The following KLRG1 variants were observed in gnomAD, a reference collection of about 807,000 sequenced individuals.
KLRG1 encodes killer cell lectin-like receptor subfamily G member 1.
Under a neutral mutation model 21.8 loss-of-function variants are expected in KLRG1, and 16 were observed. That is an observed-to-expected ratio of 0.73 (90% CI 0.50 to 1.11). The LOEUF is 1.11. Among genes scored for constraint, KLRG1 ranks in the 50% most tolerant of loss-of-function variants. The probability of loss-of-function intolerance (pLI) is 0.00; values close to 1 mark genes in which losing one functional copy is unlikely to be tolerated. For missense variants in KLRG1, 173 were observed against 218.3 expected (o/e 0.79, Z 1.31); for synonymous variants, 69 against 75.9 (o/e 0.91, Z 0.47).
the KLRG1 span, among the ~76,000 whole-genome samples, chr12:9,046,952 T>C: frequency 6.6e-6 from 1 of 152,230 alleles, no homozygotes; most frequent in Admixed American, 6.5e-5. Flanking sequence ...TTTCCTGGAC[T>C]CAAGTGATCT....
At chr12:9,188,530 G>A in the KLRG1 span, among the ~76,000 whole-genome samples, 3 of 152,078 alleles carry the variant, frequency 2.0e-5, no homozygotes, top group East Asian at 3.8e-4. Context: ...CAGAACAATC[G>A]GGCAAGACAA....
At chr12:8,954,392 C>T (rs1391309115) in intron 1 of KLRG1, among the ~76,000 whole-genome samples, 1 of 149,226 alleles carries the variant, frequency 6.7e-6, no homozygotes, top group Admixed American at 6.8e-5. Context: ...GGTACTTTGC[C>T]AGGAGAGTAG....
intron 3 of KLRG1, among the ~76,000 whole-genome samples, chr12:9,007,169 G>T (rs1335397674): frequency 1.3e-5 from 2 of 152,154 alleles, no homozygotes; most frequent in African/African-American, 4.8e-5. Context: ...GAAAATAGAG[G>T]TTATTCTGAC....
chr12:9,102,800 G>T, the KLRG1 span, among the ~76,000 whole-genome samples: 2 of 152,174 alleles, frequency 1.3e-5, no homozygotes, highest in African/African-American at 4.8e-5. Flanking sequence ...GTGCTGGCAC[G>T]TGGAAAGCAT....
At chr12:9,097,288 A>G in the KLRG1 span, among the ~76,000 whole-genome samples, 19 of 152,216 alleles carry the variant, frequency 1.2e-4, no homozygotes, top group Admixed American at 9.2e-4. Flanking sequence ...ACATTTTTTT[A>G]TAAGTTTCTA....
the KLRG1 span, among the ~76,000 whole-genome samples, chr12:9,048,878 T>G: frequency 6.6e-6 from 1 of 152,152 alleles, no homozygotes; most frequent in Non-Finnish European, 1.5e-5. Context: ...TACAGACTGG[T>G]AAGGAAGAAA....
At chr12:9,204,368 C>T in the KLRG1 span, among the ~76,000 whole-genome samples, 1 of 152,230 alleles carries the variant, frequency 6.6e-6, no homozygotes, top group East Asian at 1.9e-4. Context: ...AAAGGACTTA[C>T]ATTAAAATCT....
chr12:9,059,140 A>C, the KLRG1 span, among the ~76,000 whole-genome samples: 1 of 152,336 alleles, frequency 6.6e-6, no homozygotes, highest in African/African-American at 2.4e-5. Context: ...GTGAGGGAGA[A>C]GTGTCCTCAC....
chr12:9,154,797 G>C, the KLRG1 span: 1 of 1,614,150 alleles, frequency 6.2e-7, no homozygotes, highest in Non-Finnish European at 8.5e-7. Flanking sequence ...ATGCCCCACT[G>C]GTGCCTTGGG....
chr12:8,989,729 A>G lies in KLRG1; in HGVS notation c.82+12A>G, dbSNP rs775352819. ...ACCACAGCAAAAATGTGAGTTAACC[A>G]AGGTAGCATGGAAGACGATGCATAG... On this transcript the variant is annotated intron_variant, in intron 1 of 4. Transcript: ENST00000356986. The G allele has an allele frequency of 6.4e-7, 1 of 1,552,436 alleles. No individual in the cohort carries two copies. The highest frequency in any genetic ancestry group is 8.9e-7 in the Non-Finnish European group (1 of 1,128,012).
At chr12:9,187,077 CAA>C in the KLRG1 span, among the ~76,000 whole-genome samples, 324 of 128,668 alleles carry the variant, frequency 2.5e-3, no homozygotes, top group Middle Eastern at 8.0e-3. Context: ...CAAGAAAGGT[CAA>C]AAAAAAAAAA....
chr12:8,976,560 G>C (rs961705068), intron 1 of KLRG1, among the ~76,000 whole-genome samples: 2 of 152,120 alleles, frequency 1.3e-5, no homozygotes, highest in Non-Finnish European at 2.9e-5. Flanking sequence ...AGTGGGGGTA[G>C]TGAGGTCTAC....
chr12:9,054,666 G>C, the KLRG1 span, among the ~76,000 whole-genome samples: 7 of 152,082 alleles, frequency 4.6e-5, no homozygotes, highest in Admixed American at 4.6e-4. Flanking sequence ...CTGAACACTA[G>C]ATCTTATTCC....
At chr12:9,079,673 C>A in the KLRG1 span, 1 of 1,613,642 alleles carries the variant, frequency 6.2e-7, no homozygotes, top group East Asian at 2.2e-5. Context: ...TGGACTTGAT[C>A]TCTGGAGTAA....
the KLRG1 span, among the ~76,000 whole-genome samples, chr12:9,204,961 G>T: frequency 2.6e-5 from 4 of 151,882 alleles, no homozygotes; most frequent in Non-Finnish European, 5.9e-5. Flanking sequence ...ATTTAGCCAG[G>T]TGGCACATGG....
At chr12:9,201,157 G>A in the KLRG1 span, 8 of 1,473,612 alleles carry the variant, frequency 5.4e-6, no homozygotes, top group African/African-American at 9.8e-5. Context: ...CATTGCCTCT[G>A]GAAAGACAAA....
At chr12:9,171,891 G>A in the KLRG1 span, among the ~76,000 whole-genome samples, 1 of 152,194 alleles carries the variant, frequency 6.6e-6, no homozygotes, top group Non-Finnish European at 1.5e-5. Flanking sequence ...GAGACAGGGA[G>A]AATGGAACCA....
At chr12:9,145,995 T>G in the KLRG1 span, among the ~76,000 whole-genome samples, 2 of 152,192 alleles carry the variant, frequency 1.3e-5, no homozygotes, top group African/African-American at 4.8e-5. Context: ...ATTTAATGAT[T>G]ATGTATTTTT....
chr12:9,027,721 C>A, the KLRG1 span: 1 of 1,290,382 alleles, frequency 7.7e-7, no homozygotes. Flanking sequence ...GTAGCTTCCA[C>A]CACCTCCAAA....
Sources: gnomAD v4.1 joint callset for allele counts (sites outside exome capture counted in the v4.1 genomes callset) on GRCh38, gnomAD v4.1.1 for gene constraint, MANE v1.5 for transcripts, NCBI Gene and HGNC (gene_info 2026-07-23, HGNC 2026-07-21) for gene names.